Variants in OTC observed in about 807,000 individuals in gnomAD.
The protein encoded by OTC is ornithine transcarbamylase.
A neutral mutation model predicts 30.3 loss-of-function variants in OTC; 3 were observed. That is an observed-to-expected ratio of 0.10 (90% CI 0.05 to 0.26). The LOEUF is 0.26. OTC is among the 10% of genes least tolerant of loss of function. OTC has a pLI of 1.00. For missense variants in OTC, 194 were observed against 260.3 expected, an observed-to-expected ratio of 0.75 and a Z score of 1.75; for synonymous variants, 111 against 99.7, an observed-to-expected ratio of 1.11 and a Z score of -0.67.
chrX:38,388,801 A>G (rs1330019880), intron 4 of OTC, among the ~76,000 whole-genome samples: 3 of 112,476 alleles, frequency 2.7e-5, no homozygotes, highest in South Asian at 3.6e-4. Flanking sequence ...TAATTTACTT[A>G]TGGTAGTGAT....
chrX:38,355,139 G>A (rs1182285068), intron 1 of OTC, among the ~76,000 whole-genome samples: 2 of 111,698 alleles, frequency 1.8e-5, no homozygotes, highest in African/African-American at 3.3e-5. Context: ...CGGTCATATC[G>A]CCATGGACAT....
chrX:38,396,672 C>T (rs975224865), intron 4 of OTC, among the ~76,000 whole-genome samples: 1 of 110,630 alleles, frequency 9.0e-6, no homozygotes, highest in Non-Finnish European at 1.9e-5. Flanking sequence ...ACTTGGTAGA[C>T]TGAGGCCGGA....
chrX:38,387,444 C>T (rs1243734530), intron 4 of OTC, among the ~76,000 whole-genome samples: 2 of 112,022 alleles, frequency 1.8e-5, no homozygotes, highest in Non-Finnish European at 1.9e-5. Flanking sequence ...TTCCTTGTTA[C>T]AATAATAAAA....
the OTC span, among the ~76,000 whole-genome samples, chrX:38,328,860 G>A: frequency 8.9e-6 from 1 of 111,821 alleles, no homozygotes; most frequent in Non-Finnish European, 1.9e-5. Flanking sequence ...ATTGGTGCCA[G>A]AGAGGAGCAG....
At chrX:38,328,408 G>T in the OTC span, among the ~76,000 whole-genome samples, 2 of 112,414 alleles carry the variant, frequency 1.8e-5, no homozygotes, top group Non-Finnish European at 3.8e-5. Context: ...CAAAGTGGAG[G>T]TTACTAAGGA....
intron 4 of OTC, among the ~76,000 whole-genome samples, chrX:38,383,880 C>A (rs1264740662): frequency 9.1e-6 from 1 of 110,359 alleles, no homozygotes; most frequent in Admixed American, 9.6e-5. Flanking sequence ...GTCCCCAGGA[C>A]AACCCAGAGG....
At chrX:38,415,148 G>A (rs925252026) in intron 9 of OTC, among the ~76,000 whole-genome samples, 36 of 109,733 alleles carry the variant, frequency 3.3e-4, no homozygotes, top group Non-Finnish European at 5.3e-4. Context: ...GCACGATCTC[G>A]GCTCACTGCA....
rs898753762 is a variant in OTC, at chrX:38,372,354, C to T, written c.298+2477C>T. Among the ~76,000 whole-genome samples the T allele has an allele frequency of 1.1e-4, 12 of 111,441 alleles. 1 individual carries two copies. The highest frequency in any genetic ancestry group is 3.6e-4 in the African/African-American group (11 of 30,685). ...GGGGCCAGCAAATGGCTCAAAGGCACGTACCTAATAAATGGCAGACCCAGG... is the reference window on the plus strand; with the variant it reads ...GGGGCCAGCAAATGGCTCAAAGGCATGTACCTAATAAATGGCAGACCCAGG... On this transcript the variant is annotated intron_variant, in intron 3 of 9. Coordinates refer to ENST00000039007, the MANE Select transcript of OTC (RefSeq NM_000531.6).
chrX:38,393,514 G>A (rs990050172), intron 4 of OTC, among the ~76,000 whole-genome samples: 5 of 111,473 alleles, frequency 4.5e-5, no homozygotes, highest in Admixed American at 1.9e-4. Flanking sequence ...ACTTTCTCAG[G>A]GTTTATGTAA....
intron 4 of OTC, among the ~76,000 whole-genome samples, chrX:38,398,737 C>T (rs2068469725): frequency 9.0e-6 from 1 of 111,374 alleles, no homozygotes; most frequent in Non-Finnish European, 1.9e-5. Context: ...AGTTACTTTT[C>T]CATGACAGAA....
chrX:38,361,074 C>T (rs1480979115), intron 1 of OTC, among the ~76,000 whole-genome samples: 1 of 111,795 alleles, frequency 8.9e-6, no homozygotes, highest in Non-Finnish European at 1.9e-5. Context: ...GAGGCTGAGG[C>T]GGGTGGATCA....
At chrX:38,335,915 G>GT in the OTC span, among the ~76,000 whole-genome samples, 28 of 108,063 alleles carry the variant, frequency 2.6e-4, no homozygotes, top group South Asian at 5.1e-3. Flanking sequence ...CCAACTCTGA[G>GT]TTTTTTTTTT....
At chrX:38,411,665 CAA>C (rs368534980) in intron 8 of OTC, among the ~76,000 whole-genome samples, 195 bp from the exon 9 acceptor site, 2 of 87,894 alleles carry the variant, frequency 2.3e-5, no homozygotes, top group African/African-American at 4.1e-5. Flanking sequence ...GACTCTGTCT[CAA>C]AAAAAAAAAA....
chrX:38,337,819 T>C, the OTC span, among the ~76,000 whole-genome samples: 1 of 111,431 alleles, frequency 9.0e-6, no homozygotes, highest in Non-Finnish European at 1.9e-5. Flanking sequence ...TTGTTATTGC[T>C]ACCGTCCTCC....
the OTC span, among the ~76,000 whole-genome samples, chrX:38,344,179 A>T: frequency 9.1e-6 from 1 of 110,155 alleles, no homozygotes; most frequent in Non-Finnish European, 1.9e-5. Flanking sequence ...ATAAAAAATA[A>T]AAAATAAAGT....
intron 1 of OTC, among the ~76,000 whole-genome samples, chrX:38,354,907 A>G (rs965249530): frequency 9.0e-6 from 1 of 111,681 alleles, no homozygotes; most frequent in African/African-American, 3.3e-5. Flanking sequence ...GCCCTCAACA[A>G]CAGAGAAAAA....
At chrX:38,393,311 C>T (rs11798948) in intron 4 of OTC, among the ~76,000 whole-genome samples, 7 of 112,026 alleles carry the variant, frequency 6.2e-5, no homozygotes, top group African/African-American at 1.9e-4. Context: ...AAAAAATACA[C>T]GTAAAATACC....
At chrX:38,394,896 G>A (rs1018051426) in intron 4 of OTC, among the ~76,000 whole-genome samples, 4 of 111,075 alleles carry the variant, frequency 3.6e-5, no homozygotes, top group East Asian at 2.8e-4. Context: ...TAGTTTCTGG[G>A]GGGGGGCAGG....
intron 2 of OTC, among the ~76,000 whole-genome samples, chrX:38,368,767 C>T (rs2068309243): frequency 2.0e-5 from 2 of 99,338 alleles, no homozygotes; most frequent in Non-Finnish European, 4.0e-5. Context: ...ACAGGAGTGA[C>T]CGCAACTGCT....
Sources: gnomAD v4.1 joint callset for allele counts (sites outside exome capture counted in the v4.1 genomes callset) on GRCh38, gnomAD v4.1.1 for gene constraint, MANE v1.5 for transcripts, NCBI Gene and HGNC (gene_info 2026-07-23, HGNC 2026-07-21) for gene names.